The following MEGF9 variants were observed in gnomAD, a reference collection of about 807,000 sequenced individuals.
MEGF9 encodes multiple epidermal growth factor-like domains protein 9.
A neutral mutation model predicts 46.8 loss-of-function variants in MEGF9; 6 were observed. That is an observed-to-expected ratio of 0.13 (90% CI 0.07 to 0.25). MEGF9 has a LOEUF of 0.25. MEGF9 is among the 10% of genes least tolerant of loss of function. The pLI is 1.00. For synonymous variants in MEGF9, 302 were observed against 330.7 expected (o/e 0.91, Z 0.94); for missense variants, 683 against 792.4 (o/e 0.86, Z 1.66).
intron 1 of MEGF9, among the ~76,000 whole-genome samples, chr9:120,668,015 AC>A (rs1175703805): frequency 6.6e-6 from 1 of 152,234 alleles, no homozygotes; most frequent in African/African-American, 2.4e-5. Context: ...ACAGAGCAAG[AC>A]CCTGTCTCAA....
rs1247421520 is a variant in MEGF9, at chr9:120,602,391, G to A, written c.*2799C>T. ...ATGCCTTTAGAGGAAAGAACATTGT[G>A]CAGTGCATCCCATGCTAGTTTCCTA... On this transcript the variant is annotated 3_prime_UTR_variant, in exon 6 of 6. Coordinates refer to ENST00000373930, the MANE Select transcript of MEGF9 (RefSeq NM_001080497.3). 1 of 152,650 alleles carries A rather than the reference G, an allele frequency of 6.6e-6. No homozygotes were observed. Among genetic ancestry groups the A allele is most frequent in the Non-Finnish European group, 1.5e-5 (1 of 68,042 alleles). 9.5% of individuals were successfully genotyped at this position (152,650 alleles called of 1,614,324 possible). A position where few individuals can be genotyped will look rare whatever the true frequency, so the allele number is the denominator to read the frequency against.
chr9:120,622,740 C>A lies in MEGF9; in HGVS notation c.819G>T (p.Gln273His). The part of the protein sequence containing the change: ...SIPCNSSGKC[Q>H]CKVGVIGSIC... ...TAGAGCCAATGACACCCACTTTGCA[C>A]TGGCATTTCCCAGAACTGCAAATAA... The change falls in exon 3 of 6, where the codon CAG becomes CAT. Residue 273 changes from glutamine to histidine, a missense_variant. Physicochemically the swap from Gln to His is conservative, Grantham distance 24 (BLOSUM62 0). Around this residue, in one of 2 missense-constraint regions of MEGF9, gnomAD observed 313 missense variants for 421.1 expected, o/e 0.74. Transcript: ENST00000373930. The A allele has an allele frequency of 1.2e-6, 2 of 1,613,520 alleles. No homozygotes were observed. The highest frequency in any genetic ancestry group is 8.5e-7 in the Non-Finnish European group (1 of 1,179,708).
chr9:120,630,590 T>C (rs1462284696), intron 2 of MEGF9, among the ~76,000 whole-genome samples: 2 of 152,242 alleles, frequency 1.3e-5, no homozygotes, highest in Non-Finnish European at 1.5e-5. Context: ...TTCCATACTG[T>C]TTTTCATAAT....
rs1443252856 is a variant in MEGF9 at position 120,637,018 on chromosome 9, G to A, written c.804-14263C>T. On this transcript the variant is annotated intron_variant, in intron 2 of 5. Coordinates refer to ENST00000373930, the MANE Select transcript of MEGF9 (RefSeq NM_001080497.3). The stretch of plus-strand genomic sequence containing the variant: ...AAGGGTGAAATGTGGGGAAAAGAGA[G>A]ATCAGATTGTTATTGTGTCTGTGTA... Among the ~76,000 whole-genome samples the A allele has an allele frequency of 2.6e-5, 4 of 152,358 alleles. 1 individual carries two copies. Among genetic ancestry groups the A allele is most frequent in the African/African-American group, 9.6e-5 (4 of 41,594 alleles).
intron 2 of MEGF9, among the ~76,000 whole-genome samples, chr9:120,624,427 CCT>C (rs1249066770): frequency 2.0e-5 from 3 of 152,032 alleles, no homozygotes; most frequent in South Asian, 2.1e-4. Context: ...AGGGTTTTCC[CCT>C]GTTGCCCAGG....
chr9:120,707,444 T>G (rs905084273), intron 1 of MEGF9, among the ~76,000 whole-genome samples: 2 of 152,250 alleles, frequency 1.3e-5, no homozygotes, highest in Non-Finnish European at 2.9e-5. Flanking sequence ...TGCAGTTTGC[T>G]GCAGATATCT....
intron 1 of MEGF9, among the ~76,000 whole-genome samples, chr9:120,693,298 GAA>G (rs1564429400): frequency 4.0e-5 from 5 of 123,802 alleles, no homozygotes; most frequent in African/African-American, 1.5e-4. Context: ...AAAAAAAGAA[GAA>G]GAAGAAGAAG....
chr9:120,701,981 T>G (rs899883771), intron 1 of MEGF9, among the ~76,000 whole-genome samples: 1 of 151,800 alleles, frequency 6.6e-6, no homozygotes, highest in East Asian at 1.9e-4. Flanking sequence ...AGGCGGAGCT[T>G]GCAGTGAGCC....
chr9:120,618,379 G>C (rs892328958), intron 3 of MEGF9, among the ~76,000 whole-genome samples: 6 of 152,084 alleles, frequency 3.9e-5, no homozygotes, highest in Non-Finnish European at 8.8e-5. Context: ...GTAGAGGATT[G>C]GTCAACTCAG....
chr9:120,601,413 T>C lies in MEGF9; in HGVS notation c.*3777A>G, dbSNP rs1323583732. On this transcript the variant is annotated 3_prime_UTR_variant, in exon 6 of 6. Transcript: ENST00000373930. Reference sequence around the variant, plus strand: ...TCAAAGCTGTCAAGAGGAAGTATTGTTGCTTTAGTTTTCTACTCCCAAAAC... The same window carrying C: ...TCAAAGCTGTCAAGAGGAAGTATTGCTGCTTTAGTTTTCTACTCCCAAAAC... 2 of 152,252 alleles carry C rather than the reference T, an allele frequency of 1.3e-5. No homozygotes were observed. 9.4% of individuals were successfully genotyped at this position (152,252 alleles called of 1,614,324 possible). A position where few individuals can be genotyped will look rare whatever the true frequency, so the allele number is the denominator to read the frequency against.
chr9:120,650,101 C>A (rs888177641), intron 2 of MEGF9, among the ~76,000 whole-genome samples: 3 of 152,064 alleles, frequency 2.0e-5, no homozygotes, highest in Non-Finnish European at 2.9e-5. Context: ...CCCGTCTCTA[C>A]TAAAAATACA....
At chr9:120,636,012 G>A (rs960704432) in intron 2 of MEGF9, among the ~76,000 whole-genome samples, 1 of 152,088 alleles carries the variant, frequency 6.6e-6, no homozygotes, top group African/African-American at 2.4e-5. Flanking sequence ...TTGGCTCACT[G>A]CAACCTCTGT....
At chr9:120,713,467 G>T (rs141484890) in intron 1 of MEGF9, among the ~76,000 whole-genome samples, 89 of 152,222 alleles carry the variant, frequency 5.8e-4, no homozygotes, top group Middle Eastern at 3.4e-3. Context: ...AAAAGTTTGC[G>T]CCCATTCTGG....
intron 1 of MEGF9, among the ~76,000 whole-genome samples, chr9:120,672,160 G>C (rs951482451): frequency 1.1e-4 from 16 of 152,158 alleles, no homozygotes; most frequent in Non-Finnish European, 2.1e-4. Flanking sequence ...CATAGTGAGA[G>C]ACTAATTACT....
chr9:120,671,879 T>C (rs1308656954), intron 1 of MEGF9, among the ~76,000 whole-genome samples: 1 of 152,120 alleles, frequency 6.6e-6, no homozygotes, highest in Non-Finnish European at 1.5e-5. Flanking sequence ...ACCAGTAATA[T>C]ATAAACAACA....
chr9:120,670,514 T>C (rs538123845), intron 1 of MEGF9, among the ~76,000 whole-genome samples: 1 of 152,350 alleles, frequency 6.6e-6, no homozygotes, highest in African/African-American at 2.4e-5. Flanking sequence ...ACTAAGTCCC[T>C]AGAACTGCTT....
intron 2 of MEGF9, among the ~76,000 whole-genome samples, chr9:120,656,074 G>C (rs2043675342): frequency 6.6e-6 from 1 of 152,118 alleles, no homozygotes; most frequent in African/African-American, 2.4e-5. Flanking sequence ...CTTTCTACTA[G>C]GAAAAACACG....
At chr9:120,687,670 C>CTGTGTGTG (rs71385077) in intron 1 of MEGF9, among the ~76,000 whole-genome samples, 7,741 of 141,932 alleles carry the variant, frequency 0.055, 246 homozygotes, top group East Asian at 0.093. Flanking sequence ...GAACACAACA[C>CTGTGTGTG]TGTGTGTGTG....
Position 120,604,804 on chromosome 9 carries a change from G to C in MEGF9, c.*386C>G, listed in dbSNP as rs975417977. On this transcript the variant is annotated 3_prime_UTR_variant, in exon 6 of 6. Transcript: ENST00000373930. ...TTTTAAAAAAAATGTTTCAGGAATGGAGATGAAGTCTTCCAGCAGTCTTTT... is the reference window on the plus strand; with the variant it reads ...TTTTAAAAAAAATGTTTCAGGAATGCAGATGAAGTCTTCCAGCAGTCTTTT... 1 of 201,678 alleles carries C rather than the reference G, an allele frequency of 5.0e-6. No homozygotes were observed. Among genetic ancestry groups the C allele is most frequent in the Non-Finnish European group, 1.0e-5 (1 of 97,994 alleles). 12.5% of individuals were successfully genotyped at this position (201,678 alleles called of 1,614,324 possible).
Sources: gnomAD v4.1 joint callset for allele counts (sites outside exome capture counted in the v4.1 genomes callset) on GRCh38, gnomAD v4.1.1 for gene constraint, gnomAD v4.1.1 regional missense constraint, MANE v1.5 for transcripts, NCBI Gene and HGNC (gene_info 2026-07-23, HGNC 2026-07-21) for gene names.